The following DNAH11 variants were observed in gnomAD, a reference collection of about 807,000 sequenced individuals.
The protein encoded by DNAH11 is axonemal beta dynein heavy chain 11.
Under a neutral mutation model 526.0 loss-of-function variants are expected in DNAH11, and 442 were observed. That is an observed-to-expected ratio of 0.84 (90% CI 0.78 to 0.91). The LOEUF is 0.91. DNAH11 is among the 40% of genes least tolerant of loss of function. The probability of loss-of-function intolerance (pLI) is 0.00; values close to 1 mark genes in which losing one functional copy is unlikely to be tolerated. For synonymous variants in DNAH11, 2,461 were observed against 1,935.9 expected (o/e 1.27, Z -7.12); for missense variants, 6,989 against 5,448.7 (o/e 1.28, Z -8.90).
chr7:21,600,618 AT>A (rs1174134975), intron 15 of DNAH11, 57 bp from the exon 16 acceptor site: 2 of 1,501,246 alleles, frequency 1.3e-6, no homozygotes, highest in African/African-American at 2.8e-5. Context: ...TATGTTGTAG[AT>A]AATTGGTAAA....
intron 65 of DNAH11, among the ~76,000 whole-genome samples, chr7:21,834,631 G>A (rs189574542): frequency 6.6e-6 from 1 of 152,244 alleles, no homozygotes; most frequent in Non-Finnish European, 1.5e-5. Context: ...ACAGGAGTTT[G>A]AGATCAACCT....
chr7:21,738,601 G>A, intron 46 of DNAH11, 100 bp from the exon 47 acceptor site: 1 of 1,251,008 alleles, frequency 8.0e-7, no homozygotes, highest in South Asian at 1.5e-5. Flanking sequence ...AAACCACAGG[G>A]TGGATGAAAT....
intron 65 of DNAH11, among the ~76,000 whole-genome samples, chr7:21,835,266 C>G (rs919444486): frequency 1.3e-5 from 2 of 149,084 alleles, no homozygotes; most frequent in Non-Finnish European, 1.5e-5. Context: ...CCAAACTCAA[C>G]CTGAGTCCAG....
chr7:21,543,285 A>G lies in DNAH11; in HGVS notation c.40A>G (p.Arg14Gly). Residue 14 changes from arginine (R) to glycine (G), a missense_variant, in exon 1 of 82, where the codon AGA (arginine) becomes GGA (glycine). Coordinates refer to ENST00000409508, the MANE Select transcript of DNAH11 (RefSeq NM_001277115.2). ...QVAAREARDF[R>G]EAPTLRLTSG... ...GGCAGCCCGGGAGGCGCGAGACTTC[A>G]GAGAAGCCCCGACCCTTCGCCTAAC... The G allele has an allele frequency of 6.5e-7, 1 of 1,544,640 alleles. No individual in the cohort carries two copies. Among genetic ancestry groups the G allele is most frequent in the Non-Finnish European group, 8.7e-7 (1 of 1,143,754 alleles).
chr7:21,710,541 A>G lies in DNAH11; in HGVS notation c.6684-12A>G. 3.8e-6 allele frequency: 6 copies of G among 1,590,072 alleles called. No individual in the cohort carries two copies. Among genetic ancestry groups the G allele is most frequent in the South Asian group, 1.1e-5 (1 of 88,370 alleles). ...GTAGAAATAAACAGCACTCAACTAC[A>G]TTATATATTAGGATTGTTTACTCTT... On this transcript the variant is annotated splice_polypyrimidine_tract_variant and intron_variant, in intron 40 of 81. Coordinates refer to ENST00000409508, the MANE Select transcript of DNAH11 (RefSeq NM_001277115.2).
At chr7:21,590,295 T>G (rs1042852712) in intron 12 of DNAH11, among the ~76,000 whole-genome samples, 1 of 152,226 alleles carries the variant, frequency 6.6e-6, no homozygotes, top group African/African-American at 2.4e-5. Flanking sequence ...TTGCTAGATA[T>G]GAGACATAAA....
chr7:21,718,003 G>A (rs1045561219), intron 43 of DNAH11, 78 bp downstream of exon 43: 25 of 1,504,520 alleles, frequency 1.7e-5, no homozygotes, highest in South Asian at 4.3e-5. Flanking sequence ...AGAAGATCTT[G>A]CCTTGCCCAA....
intron 54 of DNAH11, among the ~76,000 whole-genome samples, chr7:21,759,219 A>G (rs1327105150): frequency 1.3e-5 from 2 of 152,114 alleles, no homozygotes; most frequent in Non-Finnish European, 1.5e-5. Flanking sequence ...TGAATAGGAG[A>G]GTTTTGTTCA....
At position 21,581,910 on chromosome 7, in the gene DNAH11, T is replaced by G; in HGVS notation, c.1599T>G (p.Phe533Leu). Residue 533 changes from phenylalanine to leucine, a missense_variant, in exon 9 of 82, where the codon TTT becomes TTG. Physicochemically the swap from Phe to Leu is conservative, Grantham distance 22 (BLOSUM62 0). Coordinates refer to ENST00000409508, the MANE Select transcript of DNAH11 (RefSeq NM_001277115.2). ...TTTCACTTTGAATTTTACAGGAGTTTGAAAGTGATTATGTGGCATTTAAGT... is the reference window on the plus strand; with the variant it reads ...TTTCACTTTGAATTTTACAGGAGTTGGAAAGTGATTATGTGGCATTTAAGT... ...YDPSDCTNME[F>L]ESDYVAFKSK... 1 of 1,599,640 alleles carries G rather than the reference T, an allele frequency of 6.3e-7. No homozygotes were observed. Among genetic ancestry groups the G allele is most frequent in the Non-Finnish European group, 8.5e-7 (1 of 1,170,884 alleles).
intron 66 of DNAH11, among the ~76,000 whole-genome samples, chr7:21,846,669 G>GT (rs1055541735): frequency 1.3e-5 from 2 of 151,960 alleles, no homozygotes; most frequent in African/African-American, 4.8e-5. Flanking sequence ...TAGTTGTTTT[G>GT]TTTTTTCCTG....
chr7:21,556,834 G>A (rs1783239837), intron 2 of DNAH11, among the ~76,000 whole-genome samples: 1 of 152,126 alleles, frequency 6.6e-6, no homozygotes, highest in South Asian at 2.1e-4. Flanking sequence ...GGCCAATGTG[G>A]GCAGATAACT....
intron 60 of DNAH11, 147 bp from the exon 61 acceptor site, chr7:21,789,094 G>T (rs573540597): frequency 6.4e-6 from 4 of 625,290 alleles, no homozygotes; most frequent in African/African-American, 5.6e-5. Context: ...TTTAAGACCA[G>T]TTTGAGCAAC....
At chr7:21,553,070 A>ATTTTGTTTTTTTT (rs1783081070) in intron 2 of DNAH11, among the ~76,000 whole-genome samples, 1 of 66,784 alleles carries the variant, frequency 1.5e-5, no homozygotes, top group African/African-American at 7.3e-5. Flanking sequence ...TATAAATGGG[A>ATTTTGTTTTTTTT]TTTTTTTTTT....
intron 76 of DNAH11, among the ~76,000 whole-genome samples, chr7:21,891,013 T>A (rs1028600515): frequency 6.6e-6 from 1 of 152,226 alleles, no homozygotes; most frequent in Admixed American, 6.5e-5. Flanking sequence ...ACATAGGCTT[T>A]CTAAGTAACC....
In DNAH11 at chr7:21,901,568, C is replaced by CAA. The variant is rs879666623; in HGVS notation, c.*325_*326dup. 8.2e-5 allele frequency: 13 copies of CAA among 159,354 alleles called. No homozygotes were observed. The highest frequency in any genetic ancestry group is 1.5e-4 in the Non-Finnish European group (12 of 77,748). 9.9% of individuals were successfully genotyped at this position (159,354 alleles called of 1,614,324 possible). ...TGGGCAACAGAACAAGACTCCATCTCAAAAAAAAAAAAGTACATCATAAAA... is the reference window on the plus strand; with the variant it reads ...TGGGCAACAGAACAAGACTCCATCTCAAAAAAAAAAAAAAGTACATCATAAAA... On this transcript the variant is annotated 3_prime_UTR_variant, in exon 82 of 82. Transcript: ENST00000409508.
rs371466312 is a variant in DNAH11 at position 21,601,579 on chromosome 7, T to C, written c.3609T>C (p.Tyr1203=). 141 of 1,602,660 alleles carry C rather than the reference T, an allele frequency of 8.8e-5. No individual in the cohort carries two copies. The highest frequency in any genetic ancestry group is 8.3e-4 in the Middle Eastern group (5 of 6,038). The change falls in exon 18 of 82, where the codon TAT becomes TAC. Residue 1203 remains tyrosine, a synonymous_variant. Coordinates refer to ENST00000409508, the MANE Select transcript of DNAH11 (RefSeq NM_001277115.2). The part of the protein sequence containing the change: ...LKETITLLES[Y]GQKMPEQVYI... Reference sequence around the variant, plus strand: ...AAACGATCACCCTCTTGGAAAGCTATGGCCAGAAGATGCCTGAGCAGGTCT... The same window carrying C: ...AAACGATCACCCTCTTGGAAAGCTACGGCCAGAAGATGCCTGAGCAGGTCT...
At chr7:21,719,806 G>A (rs1424015921) in intron 43 of DNAH11, among the ~76,000 whole-genome samples, 1 of 152,212 alleles carries the variant, frequency 6.6e-6, no homozygotes, top group African/African-American at 2.4e-5. Flanking sequence ...GTTGCTGTGT[G>A]TATAATAGAG....
intron 51 of DNAH11, among the ~76,000 whole-genome samples, chr7:21,746,036 T>G (rs1435391753): frequency 6.6e-6 from 1 of 152,202 alleles, no homozygotes; most frequent in Non-Finnish European, 1.5e-5. Context: ...CAATACGAAG[T>G]ATTTCCTTGT....
chr7:21,691,374 T>C (rs1783618423), intron 35 of DNAH11, among the ~76,000 whole-genome samples: 1 of 151,478 alleles, frequency 6.6e-6, no homozygotes, highest in Admixed American at 6.6e-5. Context: ...CAGGAGGGCA[T>C]GGCAGCTGCT....
Sources: gnomAD v4.1 joint callset for allele counts (sites outside exome capture counted in the v4.1 genomes callset) on GRCh38, gnomAD v4.1.1 for gene constraint, MANE v1.5 for transcripts, NCBI Gene and HGNC (gene_info 2026-07-23, HGNC 2026-07-21) for gene names.